TRPC7: variants seen among roughly 807,000 people sequenced by gnomAD.
The protein encoded by TRPC7 is short transient receptor potential channel 7.
A neutral mutation model predicts 90.1 loss-of-function variants in TRPC7; 42 were observed. The observed-to-expected ratio is 0.47, with a 90% CI of 0.36 to 0.60. TRPC7 has a LOEUF of 0.60. Among genes scored for constraint, TRPC7 ranks in the 20% least tolerant of loss-of-function variants. The pLI is 0.00. For synonymous variants in TRPC7, 451 were observed against 436.3 expected (o/e 1.03, Z -0.42); for missense variants, 955 against 1,112.3 (o/e 0.86, Z 2.01).
intron 2 of TRPC7, among the ~76,000 whole-genome samples, chr5:136,333,564 C>T (rs1759565261): frequency 6.6e-6 from 1 of 152,186 alleles, no homozygotes; most frequent in Admixed American, 6.5e-5. Context: ...ACATGCTGTC[C>T]TTCTGGCCTT....
At chr5:136,355,850 T>C (rs1480538889) in intron 2 of TRPC7, among the ~76,000 whole-genome samples, 1 of 152,068 alleles carries the variant, frequency 6.6e-6, no homozygotes, top group Non-Finnish European at 1.5e-5. Flanking sequence ...GTGAAAAGAA[T>C]TTCATACTTT....
At chr5:136,283,846 T>A (rs900609875) in intron 3 of TRPC7, among the ~76,000 whole-genome samples, 2 of 152,214 alleles carry the variant, frequency 1.3e-5, no homozygotes, top group Non-Finnish European at 1.5e-5. Context: ...CATGTGATTC[T>A]GGGCCTTATG....
chr5:136,236,891 A>C (rs1380434420), intron 7 of TRPC7, among the ~76,000 whole-genome samples: 1 of 152,216 alleles, frequency 6.6e-6, no homozygotes, highest in African/African-American at 2.4e-5. Flanking sequence ...AAATCATCAT[A>C]TAGCAGGCTA....
chr5:136,282,345 A>G (rs993641153), intron 3 of TRPC7, among the ~76,000 whole-genome samples: 1 of 152,200 alleles, frequency 6.6e-6, no homozygotes, highest in African/African-American at 2.4e-5. Context: ...TCCCTTTATG[A>G]TTCTAAATTT....
chr5:136,313,742 A>G (rs949218768), intron 3 of TRPC7, among the ~76,000 whole-genome samples: 2 of 152,144 alleles, frequency 1.3e-5, no homozygotes, highest in African/African-American at 4.8e-5. Flanking sequence ...CTTCCTACCT[A>G]TGGATTACAG....
intron 3 of TRPC7, among the ~76,000 whole-genome samples, chr5:136,294,569 G>A (rs1335865666): frequency 2.0e-5 from 3 of 152,020 alleles, no homozygotes; most frequent in Admixed American, 6.5e-5. Flanking sequence ...TCAGAAAAAT[G>A]CAAATCAAAA....
intron 7 of TRPC7, 89 bp from the exon 8 acceptor site, chr5:136,231,638 T>C: frequency 8.0e-7 from 1 of 1,250,498 alleles, no homozygotes; most frequent in Non-Finnish European, 1.1e-6. Flanking sequence ...AGGGTCTCAC[T>C]CTGTTGCCTA....
At chr5:136,237,256 G>A (rs1756012028) in intron 7 of TRPC7, among the ~76,000 whole-genome samples, 1 of 152,202 alleles carries the variant, frequency 6.6e-6, no homozygotes, top group East Asian at 1.9e-4. Flanking sequence ...TCTAGAAGTA[G>A]AAGAGTCTGG....
intron 2 of TRPC7, among the ~76,000 whole-genome samples, chr5:136,338,022 C>T (rs958983628): frequency 9.9e-5 from 15 of 152,036 alleles, no homozygotes; most frequent in Non-Finnish European, 2.2e-4. Context: ...GTAAGTGCGT[C>T]GTATTCTAAC....
At chr5:136,272,971 C>T (rs1757253339) in intron 4 of TRPC7, among the ~76,000 whole-genome samples, 1 of 152,206 alleles carries the variant, frequency 6.6e-6, no homozygotes, top group Non-Finnish European at 1.5e-5. Flanking sequence ...ACAATTTAGT[C>T]AGCAACTACT....
chr5:136,249,128 T>C (rs1459465427), intron 6 of TRPC7, among the ~76,000 whole-genome samples: 2 of 152,166 alleles, frequency 1.3e-5, no homozygotes, highest in Non-Finnish European at 2.9e-5. Context: ...ATTTTTAAGA[T>C]TGGATTTAGG....
At chr5:136,358,047 T>C (rs2149862619) in intron 1 of TRPC7, among the ~76,000 whole-genome samples, 1 of 152,264 alleles carries the variant, frequency 6.6e-6, no homozygotes, top group East Asian at 1.9e-4. Flanking sequence ...ATCACACGTG[T>C]CCGTTTCTAC....
Position 136,276,652 on chromosome 5 carries a change from C to T in TRPC7, c.964-1815G>A, listed in dbSNP as rs187060678. ...AATATTAGATGCAAATGAGGCTTTT[C>T]TTTGTAGCATTACTGGCTTTTCTTT... On this transcript the variant is annotated intron_variant, in intron 3 of 11. Coordinates refer to ENST00000513104, the MANE Select transcript of TRPC7 (RefSeq NM_020389.3). Among the ~76,000 whole-genome samples, 338 of 152,292 alleles carry T rather than the reference C, an allele frequency of 2.2e-3. 2 individuals carry two copies. The highest frequency in any genetic ancestry group is 7.9e-3 in the African/African-American group (328 of 41,562).
chr5:136,306,106 A>G (rs1387427058), intron 3 of TRPC7, among the ~76,000 whole-genome samples: 1 of 152,270 alleles, frequency 6.6e-6, no homozygotes, highest in East Asian at 1.9e-4. Flanking sequence ...TCTTGTTTAC[A>G]CTGCCGGTTT....
chr5:136,266,131 AGAG>A (rs1379093075), intron 5 of TRPC7, 86 bp downstream of exon 5: 1 of 1,205,288 alleles, frequency 8.3e-7, no homozygotes, highest in African/African-American at 1.5e-5. Context: ...AGTACACTGA[AGAG>A]GAGAGGGAGA....
intron 7 of TRPC7, among the ~76,000 whole-genome samples, chr5:136,243,014 G>A (rs1354854162): frequency 2.0e-5 from 3 of 152,290 alleles, no homozygotes; most frequent in South Asian, 2.1e-4. Flanking sequence ...GGAGGGAGGC[G>A]GTATGTGATT....
rs552298077 is a variant in TRPC7, at chr5:136,296,591, CAT to C, written c.963+19004_963+19005del. On this transcript the variant is annotated intron_variant, in intron 3 of 11. Coordinates refer to ENST00000513104, the MANE Select transcript of TRPC7 (RefSeq NM_020389.3). Reference sequence around the variant, plus strand: ...GCATCAACAAAATAATTATAGGAAACATAGATAAATTTTTACATTCTACTGCC... The same window carrying C: ...GCATCAACAAAATAATTATAGGAAACAGATAAATTTTTACATTCTACTGCC... Among the ~76,000 whole-genome samples, 317 of 152,166 alleles carry C rather than the reference CAT, an allele frequency of 2.1e-3. 1 individual carries two copies. Among genetic ancestry groups the C allele is most frequent in the African/African-American group, 7.2e-3 (300 of 41,512 alleles).
chr5:136,218,673 G>A (rs1327099892), intron 10 of TRPC7, among the ~76,000 whole-genome samples: 2 of 152,192 alleles, frequency 1.3e-5, no homozygotes, highest in South Asian at 2.1e-4. Context: ...AATAGAAAAT[G>A]TGCCCCTCAA....
chr5:136,344,057 A>G (rs1007297364), intron 2 of TRPC7, among the ~76,000 whole-genome samples: 2 of 152,198 alleles, frequency 1.3e-5, no homozygotes, highest in Non-Finnish European at 2.9e-5. Context: ...GACTGGATAA[A>G]GAAAATGTAC....
Sources: allele counts gnomAD v4.1 joint callset (sites outside exome capture counted in the v4.1 genomes callset), GRCh38; gene constraint gnomAD v4.1.1; transcripts MANE v1.5; gene names NCBI Gene and HGNC (gene_info 2026-07-23, HGNC 2026-07-21).